The following MAML3 variants were observed in gnomAD, a reference collection of about 807,000 sequenced individuals.
The protein encoded by MAML3 is mastermind like transcriptional coactivator 3, also known as mastermind-like protein 3.
A neutral mutation model predicts 101.9 loss-of-function variants in MAML3; 27 were observed. The ratio of observed to expected loss-of-function variants is 0.27; its 90% CI spans 0.20 to 0.37. The LOEUF is 0.37. Among genes scored for constraint, MAML3 ranks in the 10% least tolerant of loss-of-function variants. The pLI, the probability that MAML3 is intolerant of heterozygous loss-of-function variation, is 1.00. For missense variants in MAML3, 1,316 were observed against 1,444.9 expected (o/e 0.91, Z 1.45); for synonymous variants, 501 against 555.9 (o/e 0.90, Z 1.39).
chr4:140,096,882 G>T (rs1207228947), intron 1 of MAML3, among the ~76,000 whole-genome samples: 11 of 119,792 alleles, frequency 9.2e-5, no homozygotes, highest in Non-Finnish European at 1.6e-4. Context: ...ATTTTAAGAT[G>T]ATTTCTATCA....
chr4:139,732,563 G>C (rs930893854), intron 2 of MAML3, among the ~76,000 whole-genome samples: 1 of 115,160 alleles, frequency 8.7e-6, no homozygotes, highest in African/African-American at 3.4e-5. Context: ...AGAACTAGCA[G>C]AACTAGAACG....
At chr4:140,082,280 C>T (rs547209230) in intron 1 of MAML3, among the ~76,000 whole-genome samples, 3 of 152,310 alleles carry the variant, frequency 2.0e-5, no homozygotes, top group South Asian at 4.1e-4. Flanking sequence ...TCAAGTGGGA[C>T]GAATCTGGTC....
chr4:140,067,241 CAGAG>C (rs1197420963), intron 1 of MAML3, among the ~76,000 whole-genome samples: 2 of 151,248 alleles, frequency 1.3e-5, no homozygotes, highest in Admixed American at 1.3e-4. Context: ...GAGAAAGAAA[CAGAG>C]AGAGAATAAG....
intron 2 of MAML3, among the ~76,000 whole-genome samples, chr4:139,793,199 C>G (rs1730449904): frequency 6.6e-6 from 1 of 152,124 alleles, no homozygotes; most frequent in South Asian, 2.1e-4. Flanking sequence ...TCCAGCCCCT[C>G]TACCTTAAAT....
At chr4:139,961,470 A>G (rs1050367848) in intron 1 of MAML3, among the ~76,000 whole-genome samples, 1 of 152,216 alleles carries the variant, frequency 6.6e-6, no homozygotes, top group African/African-American at 2.4e-5. Flanking sequence ...GGGAGGACCC[A>G]GTCAATTCCA....
chr4:140,102,870 G>T (rs1469817656), intron 1 of MAML3, among the ~76,000 whole-genome samples: 2 of 152,204 alleles, frequency 1.3e-5, no homozygotes, highest in Non-Finnish European at 2.9e-5. Flanking sequence ...ACCAAGTGAA[G>T]AGAATGAAGG....
At position 139,786,164 on chromosome 4, in the gene MAML3, C is replaced by T. The variant is rs537541251; in HGVS notation, c.2080-55497G>A. Among the ~76,000 whole-genome samples the T allele has an allele frequency of 1.3e-3, 197 of 152,102 alleles. 1 individual carries two copies. The highest frequency in any genetic ancestry group is 0.01 in the Middle Eastern group (3 of 294). ...AGAATATGGCTGTCTGCAAACGAGG[C>T]AGAGGCCTTCAGAAGAAACCAACCT... On this transcript the variant is annotated intron_variant, in intron 2 of 4. Transcript: ENST00000509479.
rs559335487 is a variant in MAML3, at chr4:139,880,274, TTTCTAAAACTCTGACAGAA to T, written c.2079+9064_2079+9082del. The stretch of plus-strand genomic sequence containing the variant: ...TCTGCTGCTTTCTCTTAGCCTCATA[TTTCTAAAACTCTGACAGAA>T]TATCAGTTTCCAAAATATGCCAGGA... On this transcript the variant is annotated intron_variant, in intron 2 of 4. Transcript: ENST00000509479. Among the ~76,000 whole-genome samples the T allele has an allele frequency of 2.9e-3, 441 of 152,336 alleles. 1 individual carries two copies. Among genetic ancestry groups the T allele is most frequent in the South Asian group, 0.011 (52 of 4,826 alleles).
At chr4:140,074,637 G>C (rs1291146346) in intron 1 of MAML3, among the ~76,000 whole-genome samples, 1 of 152,112 alleles carries the variant, frequency 6.6e-6, no homozygotes, top group Non-Finnish European at 1.5e-5. Context: ...TAGTTACCCT[G>C]AGCACATTAG....
chr4:139,893,357 T>A (rs1156736649), intron 1 of MAML3, among the ~76,000 whole-genome samples: 1 of 152,132 alleles, frequency 6.6e-6, no homozygotes, highest in Non-Finnish European at 1.5e-5. Flanking sequence ...CTATACTAGG[T>A]TGGATGTCCT....
At chr4:140,117,129 T>C (rs1043597434) in intron 1 of MAML3, among the ~76,000 whole-genome samples, 1 of 152,174 alleles carries the variant, frequency 6.6e-6, no homozygotes, top group Non-Finnish European at 1.5e-5. Flanking sequence ...CTTTTACCCT[T>C]AGTGTGATCT....
At chr4:140,125,683 C>T (rs923758726) in intron 1 of MAML3, among the ~76,000 whole-genome samples, 1 of 152,068 alleles carries the variant, frequency 6.6e-6, no homozygotes, top group African/African-American at 2.4e-5. Flanking sequence ...GTCTCAAACT[C>T]CTGACCTCAC....
chr4:139,862,080 G>C (rs1309212717), intron 2 of MAML3, among the ~76,000 whole-genome samples: 2 of 152,100 alleles, frequency 1.3e-5, no homozygotes, highest in Non-Finnish European at 2.9e-5. Context: ...ATGGTGGCAG[G>C]CACCTGTAAT....
intron 1 of MAML3, among the ~76,000 whole-genome samples, chr4:139,905,491 C>A (rs867240816): frequency 1.9e-3 from 150 of 79,898 alleles, no homozygotes; most frequent in Middle Eastern, 9.1e-3. Flanking sequence ...GACTCTGTCT[C>A]AAAAAAAAAA....
chr4:140,126,028 G>A (rs1292397932), intron 1 of MAML3, among the ~76,000 whole-genome samples: 2 of 151,998 alleles, frequency 1.3e-5, no homozygotes, highest in African/African-American at 4.8e-5. Flanking sequence ...CACCCGCCTT[G>A]GCTTCTGAAA....
chr4:140,112,752 G>A (rs1203715266), intron 1 of MAML3, among the ~76,000 whole-genome samples: 1 of 152,190 alleles, frequency 6.6e-6, no homozygotes, highest in African/African-American at 2.4e-5. Flanking sequence ...TTCCCTGCTT[G>A]TGCCAGGACC....
In MAML3 at chr4:139,803,117, T is replaced by G. The variant is rs34337473; in HGVS notation, c.2080-72450A>C. Among the ~76,000 whole-genome samples the G allele has an allele frequency of 4.3e-4, 65 of 152,202 alleles. 2 individuals carry two copies. The East Asian group carries it at 8.1e-3, about 19-fold the overall frequency. Reference sequence around the variant, plus strand: ...ATGAGGTTTTTGGACCAATTTAAAATGCAGTGACTGGGCACAGTGGCTCAC... The same window carrying G: ...ATGAGGTTTTTGGACCAATTTAAAAGGCAGTGACTGGGCACAGTGGCTCAC... On this transcript the variant is annotated intron_variant, in intron 2 of 4. Transcript: ENST00000509479.
At chr4:139,972,250 CA>C (rs1734245805) in intron 1 of MAML3, among the ~76,000 whole-genome samples, 1 of 152,108 alleles carries the variant, frequency 6.6e-6, no homozygotes, top group South Asian at 2.1e-4. Flanking sequence ...GTTAAATCTG[CA>C]AATACCAGGT....
chr4:139,909,083 T>C (rs753872093), intron 1 of MAML3, among the ~76,000 whole-genome samples: 10 of 152,216 alleles, frequency 6.6e-5, no homozygotes, highest in Non-Finnish European at 1.3e-4. Flanking sequence ...GGGCTTAGCA[T>C]AGGACTCCTG....
Sources: allele counts gnomAD v4.1 joint callset (sites outside exome capture counted in the v4.1 genomes callset), GRCh38; gene constraint gnomAD v4.1.1; transcripts MANE v1.5; gene names NCBI Gene and HGNC (gene_info 2026-07-23, HGNC 2026-07-21).